The following MAN1A1 variants were observed in gnomAD, a reference collection of about 807,000 sequenced individuals.
MAN1A1 encodes the protein mannosidase alpha class 1A member 1, also known as mannosyl-oligosaccharide 1,2-alpha-mannosidase IA.
A neutral mutation model predicts 70.8 loss-of-function variants in MAN1A1; 29 were observed. The ratio of observed to expected loss-of-function variants is 0.41; its 90% CI spans 0.31 to 0.56. MAN1A1 has a LOEUF of 0.56. Ranked by LOEUF, MAN1A1 falls within the 20% of genes least tolerant of loss-of-function variation. The pLI, the probability that MAN1A1 is intolerant of heterozygous loss-of-function variation, is 0.29. For missense variants in MAN1A1, 747 were observed against 841.3 expected, an observed-to-expected ratio of 0.89 and a Z score of 1.39; for synonymous variants, 349 against 330.1, an observed-to-expected ratio of 1.06 and a Z score of -0.62.
chr6:119,248,313 T>C lies in MAN1A1; in HGVS notation c.939A>G (p.Leu313=). ...TTCCAGAGGGAGTATGAAATGCAGG[T>C]AGCAATTTTACCCCAAGTTCCACTG... ...KKAVELGVKL[L]PAFHTPSGIP... is the part of the protein sequence containing the mutation. Residue 313 remains leucine (L), a synonymous_variant, in exon 6 of 13, where the codon CTA becomes CTG. Coordinates refer to ENST00000368468, the MANE Select transcript of MAN1A1 (RefSeq NM_005907.4). The C allele has an allele frequency of 6.2e-7, 1 of 1,613,714 alleles. No individual in the cohort carries two copies. Among genetic ancestry groups the C allele is most frequent in the Non-Finnish European group, 8.5e-7 (1 of 1,179,644 alleles).
chr6:119,190,352 A>G (rs184617104), intron 9 of MAN1A1, among the ~76,000 whole-genome samples: 117 of 152,232 alleles, frequency 7.7e-4, no homozygotes, highest in African/African-American at 2.7e-3. Context: ...GGATAACAAA[A>G]TAGAGTGGCA....
intron 8 of MAN1A1, among the ~76,000 whole-genome samples, chr6:119,200,930 C>T (rs1773696859): frequency 6.6e-6 from 1 of 152,176 alleles, no homozygotes; most frequent in African/African-American, 2.4e-5. Context: ...GTCATTAGTA[C>T]AAAGGAATGA....
At chr6:119,190,300 G>A (rs1773408809) in intron 9 of MAN1A1, among the ~76,000 whole-genome samples, 1 of 152,200 alleles carries the variant, frequency 6.6e-6, no homozygotes, top group Admixed American at 6.5e-5. Context: ...TGAGATCCAG[G>A]ATGGTGGCAG....
At chr6:119,288,692 T>C (rs1776448325) in intron 5 of MAN1A1, among the ~76,000 whole-genome samples, 1 of 151,892 alleles carries the variant, frequency 6.6e-6, no homozygotes, top group South Asian at 2.1e-4. Flanking sequence ...TATTCATTGA[T>C]TATAGCAATA....
chr6:119,299,157 A>C (rs1772315049), intron 4 of MAN1A1, among the ~76,000 whole-genome samples: 1 of 152,130 alleles, frequency 6.6e-6, no homozygotes, highest in Non-Finnish European at 1.5e-5. Context: ...GGTGAATATA[A>C]GACAAATTCT....
intron 5 of MAN1A1, among the ~76,000 whole-genome samples, chr6:119,284,637 T>C (rs1384175549): frequency 6.6e-6 from 1 of 152,328 alleles, no homozygotes; most frequent in East Asian, 1.9e-4. Flanking sequence ...TTTGGAATTA[T>C]GTATTTTTTT....
At chr6:119,264,547 G>T (rs1775696429) in intron 5 of MAN1A1, among the ~76,000 whole-genome samples, 1 of 152,068 alleles carries the variant, frequency 6.6e-6, no homozygotes. Context: ...TGAACAAATG[G>T]CATGCCATCA....
At chr6:119,222,028 A>G (rs1774376690) in intron 6 of MAN1A1, among the ~76,000 whole-genome samples, 1 of 152,160 alleles carries the variant, frequency 6.6e-6, no homozygotes, top group Non-Finnish European at 1.5e-5. Context: ...GAGTAGGGAA[A>G]TCCTCCTTTA....
At chr6:119,323,676 C>G (rs1243301527) in intron 2 of MAN1A1, among the ~76,000 whole-genome samples, 2 of 152,254 alleles carry the variant, frequency 1.3e-5, no homozygotes, top group African/African-American at 4.8e-5. Flanking sequence ...TGTGGTCATG[C>G]AAGTGTTGAT....
chr6:119,273,012 T>G (rs2114380561), intron 5 of MAN1A1, among the ~76,000 whole-genome samples: 1 of 152,294 alleles, frequency 6.6e-6, no homozygotes, highest in South Asian at 2.1e-4. Flanking sequence ...ACTAAGTCAT[T>G]TTCTTTATGA....
chr6:119,308,823 C>T (rs1772602588), intron 2 of MAN1A1, among the ~76,000 whole-genome samples: 1 of 151,932 alleles, frequency 6.6e-6, no homozygotes, highest in African/African-American at 2.4e-5. Context: ...TTTATAAATT[C>T]AAAAGCTTTT....
rs761446610 is a variant in MAN1A1 at position 119,349,027 on chromosome 6, G to A, written c.39C>T (p.Pro13=). ...GCCCCCCGCCCAGGACGCCGCCCGC[G>A]GGGCTGCTGAAGAGCGGCAACAGGC... ...VGGLLPLFSS[P]AGGVLGGGLG... The change falls in exon 2 of 13, where the codon CCC becomes CCT. Residue 13 remains proline, a synonymous_variant. Coordinates refer to ENST00000368468, the MANE Select transcript of MAN1A1 (RefSeq NM_005907.4). 22 of 1,357,538 alleles carry A rather than the reference G, an allele frequency of 1.6e-5. No homozygotes were observed. Among genetic ancestry groups the A allele is most frequent in the Non-Finnish European group, 2.0e-5 (21 of 1,051,528 alleles). The allele number at this position is 1,357,538 out of a possible 1,614,324, so 84.1% of individuals were successfully genotyped here.
chr6:119,213,190 G>GT (rs3839393), intron 6 of MAN1A1, among the ~76,000 whole-genome samples: 5 of 151,920 alleles, frequency 3.3e-5, no homozygotes, highest in South Asian at 2.1e-4. Flanking sequence ...CTTACTTTTG[G>GT]TTTTTTTTAT....
chr6:119,202,651 T>C (rs73767283), intron 7 of MAN1A1, among the ~76,000 whole-genome samples: 2,253 of 152,246 alleles, frequency 0.015, 45 homozygotes, highest in African/African-American at 0.049. Context: ...AAGTAACGCA[T>C]TGCACTACGA....
intron 5 of MAN1A1, among the ~76,000 whole-genome samples, chr6:119,287,026 A>G (rs1776393297): frequency 6.6e-6 from 1 of 152,082 alleles, no homozygotes; most frequent in African/African-American, 2.4e-5. Context: ...TTCACGGGAT[A>G]TGAATCCAAA....
chr6:119,186,769 C>T (rs750618813), intron 11 of MAN1A1, among the ~76,000 whole-genome samples: 4 of 152,234 alleles, frequency 2.6e-5, no homozygotes, highest in Admixed American at 1.3e-4. Context: ...CAGGAGGCCA[C>T]GGGGGTGGGC....
In MAN1A1 at chr6:119,348,732, C is replaced by G; in HGVS notation, c.334G>C (p.Asp112His). 6.4e-7 allele frequency: 1 copy of G among 1,570,868 alleles called. No individual in the cohort carries two copies. The highest frequency in any genetic ancestry group is 8.6e-7 in the Non-Finnish European group (1 of 1,161,168). The change falls in exon 2 of 13, where the codon GAC becomes CAC. Residue 112 changes from aspartate (D) to histidine (H), a missense_variant. This residue lies in a region of MAN1A1 where 328 missense variants were observed against 293.1 expected (regional missense o/e 1.12). Coordinates refer to ENST00000368468, the MANE Select transcript of MAN1A1 (RefSeq NM_005907.4). Reference sequence around the variant, plus strand: ...TTGTCCTCCAGGGCGGCCTCCGGGTCCCCGGGTGCCCCCTCCTCGCGGCGC... The same window carrying G: ...TTGTCCTCCAGGGCGGCCTCCGGGTGCCCGGGTGCCCCCTCCTCGCGGCGC... ...ARRREEGAPG[D>H]PEAALEDNLA...
At chr6:119,337,715 A>G (rs886984129) in intron 2 of MAN1A1, among the ~76,000 whole-genome samples, 1 of 152,220 alleles carries the variant, frequency 6.6e-6, no homozygotes, top group Non-Finnish European at 1.5e-5. Flanking sequence ...AGCTTTCAAC[A>G]GTAGTTAATA....
chr6:119,279,273 C>T (rs1776163439), intron 5 of MAN1A1, among the ~76,000 whole-genome samples: 1 of 152,180 alleles, frequency 6.6e-6, no homozygotes, highest in Non-Finnish European at 1.5e-5. Flanking sequence ...CACTACTCAC[C>T]TGCCTTTTTC....
Sources: gnomAD v4.1 joint callset for allele counts (sites outside exome capture counted in the v4.1 genomes callset) on GRCh38, gnomAD v4.1.1 for gene constraint, gnomAD v4.1.1 regional missense constraint, MANE v1.5 for transcripts, NCBI Gene and HGNC (gene_info 2026-07-23, HGNC 2026-07-21) for gene names.